Variants in CSNK1G1 observed in about 807,000 individuals in gnomAD.
CSNK1G1 encodes casein kinase 1 gamma 1, also known as casein kinase I isoform gamma-1.
A neutral mutation model predicts 59.6 loss-of-function variants in CSNK1G1; 22 were observed. The ratio of observed to expected loss-of-function variants is 0.37; its 90% CI spans 0.26 to 0.53. The LOEUF is 0.53. Ranked by LOEUF, CSNK1G1 falls within the 20% of genes least tolerant of loss-of-function variation. CSNK1G1 has a pLI of 0.89. For synonymous variants in CSNK1G1, 179 were observed against 177.1 expected (o/e 1.01, Z -0.08); for missense variants, 384 against 519.5 (o/e 0.74, Z 2.54).
At chr15:64,246,226 A>C (rs1299434406) in intron 4 of CSNK1G1, among the ~76,000 whole-genome samples, 1 of 152,234 alleles carries the variant, frequency 6.6e-6, no homozygotes, top group East Asian at 1.9e-4. Context: ...ATTATGTATC[A>C]ATTTTAAAAA....
At chr15:64,195,638 T>A (rs1356012192) in intron 10 of CSNK1G1, among the ~76,000 whole-genome samples, 1 of 152,238 alleles carries the variant, frequency 6.6e-6, no homozygotes, top group African/African-American at 2.4e-5. Context: ...ACTTCCTGAT[T>A]GAATTTGATC....
At chr15:64,224,824 A>G (rs1159934009) in intron 4 of CSNK1G1, among the ~76,000 whole-genome samples, 4 of 152,108 alleles carry the variant, frequency 2.6e-5, no homozygotes, top group African/African-American at 7.2e-5. Flanking sequence ...ATAATTTCAC[A>G]TTTCCGAGCC....
chr15:64,185,197 A>G (rs1015405852), intron 10 of CSNK1G1, among the ~76,000 whole-genome samples: 4 of 152,200 alleles, frequency 2.6e-5, no homozygotes, highest in Non-Finnish European at 5.9e-5. Context: ...TATCAGAGCA[A>G]ACTTTTCTTG....
Position 64,192,855 on chromosome 15 carries a change from A to T in CSNK1G1, c.1107+10227T>A, listed in dbSNP as rs1404365713. Among the ~76,000 whole-genome samples, 3 of 150,514 alleles carry T rather than the reference A, an allele frequency of 2.0e-5. No individual in the cohort carries two copies. In the East Asian group the frequency reaches 5.8e-4, roughly 29 times the overall value. On this transcript the variant is annotated intron_variant, in intron 10 of 11. Transcript: ENST00000303052. Reference sequence around the variant, plus strand: ...GAGATCTGCCTAAAAAAAAAAAAAAAAAAAAAAAAAAAAAAAAATCACCAA... The same window carrying T: ...GAGATCTGCCTAAAAAAAAAAAAAATAAAAAAAAAAAAAAAAAATCACCAA...
intron 1 of CSNK1G1, among the ~76,000 whole-genome samples, chr15:64,340,796 G>GT (rs1897644701): frequency 6.6e-6 from 1 of 152,124 alleles, no homozygotes; most frequent in Admixed American, 6.5e-5. Context: ...TCTACAGATA[G>GT]TTTTTTAAAA....
chr15:64,270,621 G>C (rs991447841), intron 2 of CSNK1G1, among the ~76,000 whole-genome samples: 3 of 152,026 alleles, frequency 2.0e-5, no homozygotes, highest in Non-Finnish European at 1.5e-5. Context: ...TTAGCCGGGC[G>C]TGGTGGCAGG....
chr15:64,268,023 A>G (rs575181151), intron 2 of CSNK1G1, among the ~76,000 whole-genome samples: 1 of 152,310 alleles, frequency 6.6e-6, no homozygotes, highest in Middle Eastern at 3.4e-3. Context: ...CCAGTATGCC[A>G]AAAAGATATC....
intron 1 of CSNK1G1, among the ~76,000 whole-genome samples, chr15:64,308,205 G>A (rs1895790112): frequency 1.3e-5 from 2 of 151,946 alleles, no homozygotes; most frequent in African/African-American, 4.8e-5. Flanking sequence ...ACTTTTTTCA[G>A]TGAAAACAAC....
At chr15:64,342,580 T>G (rs1212466567) in intron 1 of CSNK1G1, 2 of 152,246 alleles carry the variant, frequency 1.3e-5, no homozygotes, top group African/African-American at 4.8e-5. Context: ...ACTCTCTAGC[T>G]TAAGAACCTT....
In CSNK1G1 at chr15:64,277,730, TATATTA is replaced by T. The variant is rs1893772536; in HGVS notation, c.182-18495_182-18490del. ...ATATTAATATTGATATATTTAATAA[TATATTA>T]ATATTGATATATTTAATAATATAGC... On this transcript the variant is annotated intron_variant, in intron 2 of 11. Transcript: ENST00000303052. Among the ~76,000 whole-genome samples the T allele has an allele frequency of 6.1e-5, 8 of 130,226 alleles. No homozygotes were observed. The East Asian group carries it at 1.7e-3, about 28-fold the overall frequency. 85.4% of individuals were successfully genotyped at this position (130,226 alleles called of 152,430 possible).
intron 1 of CSNK1G1, among the ~76,000 whole-genome samples, chr15:64,302,733 T>A (rs1222053396): frequency 6.6e-6 from 1 of 152,226 alleles, no homozygotes; most frequent in African/African-American, 2.4e-5. Context: ...CCTTCCATTA[T>A]AAGTTAATAT....
chr15:64,179,600 C>T (rs1036598682), intron 11 of CSNK1G1, among the ~76,000 whole-genome samples: 1 of 152,152 alleles, frequency 6.6e-6, no homozygotes, highest in African/African-American at 2.4e-5. Context: ...AAGTCTAAAT[C>T]TGGATCTAAA....
chr15:64,243,662 CA>C (rs974747799), intron 4 of CSNK1G1, among the ~76,000 whole-genome samples: 1 of 151,910 alleles, frequency 6.6e-6, no homozygotes, highest in Admixed American at 6.6e-5. Flanking sequence ...AAACTGCCAC[CA>C]AAAAAATTCT....
chr15:64,257,458 A>C (rs1433553884), intron 3 of CSNK1G1, among the ~76,000 whole-genome samples: 1 of 152,186 alleles, frequency 6.6e-6, no homozygotes, highest in Non-Finnish European at 1.5e-5. Flanking sequence ...AAAAGTAAAA[A>C]AAGCAGGTGT....
At chr15:64,314,556 C>A (rs1438488445) in intron 1 of CSNK1G1, among the ~76,000 whole-genome samples, 1 of 103,472 alleles carries the variant, frequency 9.7e-6, no homozygotes, top group Non-Finnish European at 2.0e-5. Context: ...CCACACTGTA[C>A]CACAGAATTA....
At position 64,188,705 on chromosome 15, in the gene CSNK1G1, A is replaced by AC. The variant is rs2081930251; in HGVS notation, c.1108-8252dup. The stretch of plus-strand genomic sequence containing the variant: ...CATGAATCTATATCACACCCTCCTT[A>AC]CCCAGAACCAGAAAACCAATAACGA... On this transcript the variant is annotated intron_variant, in intron 10 of 11. Transcript: ENST00000303052. This position sits in a 1 kb window ranked among gnomAD's most constrained non-coding sequence, Gnocchi z 4.2. 6.6e-6 allele frequency among the ~76,000 whole-genome samples: 1 copy of AC among 152,006 alleles called. No homozygotes were observed. Among genetic ancestry groups the AC allele is most frequent in the Admixed American group, 6.6e-5 (1 of 15,224 alleles).
intron 4 of CSNK1G1, among the ~76,000 whole-genome samples, chr15:64,232,942 T>TGACA (rs2082568366): frequency 6.6e-6 from 1 of 152,222 alleles, no homozygotes; most frequent in African/African-American, 2.4e-5. Flanking sequence ...AAGCTCCCAC[T>TGACA]GACAGGTTTT....
chr15:64,353,961 T>C (rs368603942), intron 1 of CSNK1G1, among the ~76,000 whole-genome samples: 1 of 152,156 alleles, frequency 6.6e-6, no homozygotes, highest in African/African-American at 2.4e-5. Flanking sequence ...TCTAGTAGCA[T>C]AAATCTAACT....
At chr15:64,238,250 A>C (rs1368276094) in intron 4 of CSNK1G1, among the ~76,000 whole-genome samples, 1 of 151,792 alleles carries the variant, frequency 6.6e-6, no homozygotes. Flanking sequence ...TGCTGGGTTT[A>C]TAGGTATATA....
Sources: allele counts gnomAD v4.1 joint callset (sites outside exome capture counted in the v4.1 genomes callset), GRCh38; gene constraint gnomAD v4.1.1; non-coding constraint Gnocchi (gnomAD v3.1); transcripts MANE v1.5; gene names NCBI Gene and HGNC (gene_info 2026-07-23, HGNC 2026-07-21).